The following HSD17B12 variants were observed in gnomAD, a reference collection of about 807,000 sequenced individuals.
HSD17B12 encodes hydroxysteroid 17-beta dehydrogenase 12, also known as very-long-chain 3-oxoacyl-CoA reductase.
In HSD17B12, 32 loss-of-function variants were observed where a neutral mutation model predicts 39.3. The ratio of observed to expected loss-of-function variants is 0.81; its 90% CI spans 0.61 to 1.09. The LOEUF is 1.09. Ranked by LOEUF, HSD17B12 falls within the 50% of genes least tolerant of loss-of-function variation. The pLI is 0.00. For missense variants in HSD17B12, 342 were observed against 382.9 expected (o/e 0.89, Z 0.89); for synonymous variants, 150 against 146.7 (o/e 1.02, Z -0.16).
At chr11:43,683,085 C>A (rs114548031) in intron 1 of HSD17B12, among the ~76,000 whole-genome samples, 7,680 of 151,210 alleles carry the variant, frequency 0.051, 236 homozygotes, top group Middle Eastern at 0.17. Context: ...AGCCACCATG[C>A]CTGGATGTGT....
chr11:43,568,084 T>C, the HSD17B12 span, among the ~76,000 whole-genome samples: 2 of 152,124 alleles, frequency 1.3e-5, no homozygotes, highest in African/African-American at 4.8e-5. Flanking sequence ...GTTTTTTTAT[T>C]CTTTTAATTT....
chr11:43,852,919 A>C (rs995329595), intron 9 of HSD17B12: 10 of 152,030 alleles, frequency 6.6e-5, no homozygotes, highest in African/African-American at 2.2e-4. Context: ...GAGTGACAGC[A>C]CTCCATCTGG....
At chr11:43,708,698 C>T (rs1269599768) in intron 1 of HSD17B12, among the ~76,000 whole-genome samples, 1 of 152,200 alleles carries the variant, frequency 6.6e-6, no homozygotes, top group African/African-American at 2.4e-5. Context: ...TAAAATGGAT[C>T]ATTTCTACCA....
At chr11:43,755,087 T>C in intron 3 of HSD17B12, 2 of 395,508 alleles carry the variant, frequency 5.1e-6, no homozygotes, top group Non-Finnish European at 4.5e-6. Context: ...TTATTAAGAG[T>C]CAATTTGTGT....
chr11:43,642,662 A>G, the HSD17B12 span, among the ~76,000 whole-genome samples: 1 of 151,794 alleles, frequency 6.6e-6, no homozygotes, highest in Non-Finnish European at 1.5e-5. Context: ...AAGAGAGGGG[A>G]AAAAAACAGA....
the HSD17B12 span, among the ~76,000 whole-genome samples, chr11:43,567,384 A>C: frequency 6.6e-6 from 1 of 152,184 alleles, no homozygotes; most frequent in Non-Finnish European, 1.5e-5. Context: ...CATGGGACTC[A>C]AGATGTCTCT....
intron 6 of HSD17B12, among the ~76,000 whole-genome samples, chr11:43,825,328 G>A (rs1332132031): frequency 6.6e-6 from 1 of 152,150 alleles, no homozygotes; most frequent in Non-Finnish European, 1.5e-5. Context: ...CCATGGAGTA[G>A]ATGATAAAAG....
chr11:43,616,502 G>T, the HSD17B12 span, among the ~76,000 whole-genome samples: 1 of 150,436 alleles, frequency 6.6e-6, no homozygotes. Context: ...TACAATATTA[G>T]CTAAAGTATT....
At chr11:43,769,512 CT>C (rs1950629812) in intron 3 of HSD17B12, among the ~76,000 whole-genome samples, 1 of 152,218 alleles carries the variant, frequency 6.6e-6, no homozygotes, top group Non-Finnish European at 1.5e-5. Context: ...AATTGCAGGT[CT>C]AGTTCTCATT....
intron 9 of HSD17B12, 143 bp from the exon 10 acceptor site, chr11:43,854,572 A>G: frequency 1.2e-6 from 1 of 849,090 alleles, no homozygotes; most frequent in East Asian, 2.5e-5. Context: ...AGTTGGCTTT[A>G]GATAGCCACT....
chr11:43,671,269 T>A, the HSD17B12 span, among the ~76,000 whole-genome samples: 1 of 152,296 alleles, frequency 6.6e-6, no homozygotes, highest in African/African-American at 2.4e-5. Context: ...AGCCTCCACC[T>A]CCCAGGTTCA....
the HSD17B12 span, among the ~76,000 whole-genome samples, chr11:43,663,655 T>C: frequency 6.6e-6 from 1 of 152,138 alleles, no homozygotes; most frequent in Non-Finnish European, 1.5e-5. Context: ...AGTCAAAAAT[T>C]ATAATCTTGT....
chr11:43,854,974 T>TAA (rs1951568823), intron 10 of HSD17B12, 110 bp downstream of exon 10: 1 of 1,199,468 alleles, frequency 8.3e-7, no homozygotes, highest in Non-Finnish European at 1.2e-6. Context: ...TGTCCAGCCA[T>TAA]AGTAACAAGA....
chr11:43,831,202 T>C lies in HSD17B12; in HGVS notation c.536+192T>C. On this transcript the variant is annotated intron_variant, in intron 7 of 10. Coordinates refer to ENST00000278353, the MANE Select transcript of HSD17B12 (RefSeq NM_016142.3). The surrounding 1 kb of genome is among the most constrained non-coding windows in gnomAD (Gnocchi z 4.1). ...GTGGTGGAGGCCTTTTCCACTCGAT[T>C]CCCTTTTTATTTCTCTCTCTAGGGT... The C allele has an allele frequency of 2.3e-6, 1 of 435,654 alleles. No individual in the cohort carries two copies. The highest frequency in any genetic ancestry group is 4.1e-6 in the Non-Finnish European group (1 of 244,122). The allele number at this position is 435,654 out of a possible 1,614,324, so 27.0% of individuals were successfully genotyped here.
the HSD17B12 span, among the ~76,000 whole-genome samples, chr11:43,656,677 G>C: frequency 6.6e-6 from 1 of 152,148 alleles, no homozygotes; most frequent in Non-Finnish European, 1.5e-5. Context: ...TCATTCAGGA[G>C]CAGGGTGTTC....
chr11:43,571,852 T>G, the HSD17B12 span, among the ~76,000 whole-genome samples: 1 of 152,176 alleles, frequency 6.6e-6, no homozygotes, highest in African/African-American at 2.4e-5. Flanking sequence ...TCAGGGTAAG[T>G]GATGAAAATG....
intron 3 of HSD17B12, among the ~76,000 whole-genome samples, chr11:43,780,682 G>C (rs191674869): frequency 4.4e-4 from 67 of 152,222 alleles, no homozygotes; most frequent in Non-Finnish European, 8.1e-4. Context: ...GGATAAAATA[G>C]GTGACCAGGG....
chr11:43,810,402 TAA>T lies in HSD17B12; in HGVS notation c.392-5032_392-5031del, dbSNP rs55934650. On this transcript the variant is annotated intron_variant, in intron 4 of 10. Transcript: ENST00000278353. ...ATATATATATATATATATATATATA[TAA>T]AATTCAGAATTATTCCGTGGATTTT... is the stretch of plus-strand genomic sequence containing the variant. 7.8e-3 allele frequency among the ~76,000 whole-genome samples: 548 copies of T among 70,092 alleles called. 2 individuals carry two copies. The highest frequency in any genetic ancestry group is 0.02 in the African/African-American group (329 of 16,228). The allele number at this position is 70,092 out of a possible 152,430, so 46.0% of individuals were successfully genotyped here. A position where few individuals can be genotyped will look rare whatever the true frequency, so the allele number is the denominator to read the frequency against.
At chr11:43,817,979 T>C (rs1366644466) in intron 6 of HSD17B12, among the ~76,000 whole-genome samples, 1 of 152,188 alleles carries the variant, frequency 6.6e-6, no homozygotes, top group Non-Finnish European at 1.5e-5. Context: ...TCCATGATCA[T>C]GGGATGTATT....
Sources: allele counts gnomAD v4.1 joint callset (sites outside exome capture counted in the v4.1 genomes callset), GRCh38; gene constraint gnomAD v4.1.1; non-coding constraint Gnocchi (gnomAD v3.1); transcripts MANE v1.5; gene names NCBI Gene and HGNC (gene_info 2026-07-23, HGNC 2026-07-21).